The following GRID2 variants were observed in gnomAD, a reference collection of about 807,000 sequenced individuals.
GRID2 encodes glutamate ionotropic receptor delta type subunit 2, also known as glutamate receptor ionotropic, delta-2.
Under a neutral mutation model 114.8 loss-of-function variants are expected in GRID2, and 33 were observed. That is an observed-to-expected ratio of 0.29 (90% CI 0.22 to 0.38). The LOEUF (loss-of-function observed/expected upper bound fraction) is 0.38, where lower values mean the gene tolerates loss of function less well. Among genes scored for constraint, GRID2 ranks in the 10% least tolerant of loss-of-function variants. The pLI is 1.00. For synonymous variants in GRID2, 505 were observed against 449.9 expected, an observed-to-expected ratio of 1.12 and a Z score of -1.55; for missense variants, 1,184 against 1,257.7, an observed-to-expected ratio of 0.94 and a Z score of 0.89.
intron 14 of GRID2, among the ~76,000 whole-genome samples, chr4:93,682,169 C>G (rs1469024611): frequency 6.6e-6 from 1 of 151,078 alleles, no homozygotes; most frequent in Admixed American, 6.6e-5. Context: ...AGCCAAAAGA[C>G]ACATGAAAAA....
intron 13 of GRID2, among the ~76,000 whole-genome samples, chr4:93,564,904 T>C (rs1022632819): frequency 6.6e-6 from 1 of 152,122 alleles, no homozygotes; most frequent in East Asian, 1.9e-4. Flanking sequence ...CACCTGATAA[T>C]AGATTTTAGC....
At chr4:92,483,742 G>A (rs1722727533) in intron 1 of GRID2, among the ~76,000 whole-genome samples, 2 of 152,134 alleles carry the variant, frequency 1.3e-5, no homozygotes, top group African/African-American at 4.8e-5. Context: ...ATATTTAGAA[G>A]TCTGAGGGAG....
intron 6 of GRID2, among the ~76,000 whole-genome samples, chr4:93,223,656 C>A (rs544278344): frequency 1.3e-5 from 2 of 152,222 alleles, no homozygotes; most frequent in South Asian, 4.2e-4. Context: ...AATTAATTTT[C>A]ATCACTACAT....
intron 2 of GRID2, among the ~76,000 whole-genome samples, chr4:92,815,905 A>G (rs1330456405): frequency 9.1e-6 from 1 of 109,676 alleles, no homozygotes; most frequent in Non-Finnish European, 1.7e-5. Context: ...ACAGTGCATG[A>G]CCCTGTCTCA....
At chr4:92,856,994 T>A (rs1173974397) in intron 2 of GRID2, among the ~76,000 whole-genome samples, 3 of 152,178 alleles carry the variant, frequency 2.0e-5, no homozygotes, top group African/African-American at 4.8e-5. Flanking sequence ...GTATTATATA[T>A]GTTAAAGGGA....
At chr4:93,557,240 A>G (rs1734410711) in intron 13 of GRID2, among the ~76,000 whole-genome samples, 1 of 152,206 alleles carries the variant, frequency 6.6e-6, no homozygotes, top group Non-Finnish European at 1.5e-5. Flanking sequence ...CACACATAAC[A>G]ATATTAACCT....
chr4:93,631,745 T>G (rs1176054048), intron 14 of GRID2, among the ~76,000 whole-genome samples: 1 of 152,204 alleles, frequency 6.6e-6, no homozygotes, highest in Non-Finnish European at 1.5e-5. Flanking sequence ...ATGGGATTGC[T>G]GGGTCAAATG....
intron 14 of GRID2, among the ~76,000 whole-genome samples, chr4:93,727,650 G>A (rs1336263848): frequency 6.6e-6 from 1 of 152,130 alleles, no homozygotes; most frequent in Non-Finnish European, 1.5e-5. Flanking sequence ...ATTGATTATT[G>A]CCTCGATTTC....
At position 93,200,337 on chromosome 4, in the gene GRID2, C is replaced by A. The variant is rs180949637; in HGVS notation, c.736-7067C>A. On this transcript the variant is annotated intron_variant, in intron 4 of 15. Coordinates refer to ENST00000282020, the MANE Select transcript of GRID2 (RefSeq NM_001510.4). ...ATCCCAGCACTTTGGGAGGCCGAGG[C>A]GGGCGGATCACGAGGTCAGGAGATC... is the stretch of plus-strand genomic sequence containing the variant. Among the ~76,000 whole-genome samples the A allele has an allele frequency of 4.8e-3, 729 of 152,186 alleles. 7 individuals are homozygous for A. The highest frequency in any genetic ancestry group is 0.017 in the African/African-American group (703 of 41,502).
intron 1 of GRID2, among the ~76,000 whole-genome samples, chr4:93,801,063 A>G (rs1273564235): frequency 6.6e-6 from 1 of 152,204 alleles, no homozygotes; most frequent in Non-Finnish European, 1.5e-5. Context: ...ATTTTTTCCC[A>G]GATCTATTAT....
At chr4:92,611,106 A>ATGTGTGTGTATGTG (rs1729716888) in intron 2 of GRID2, among the ~76,000 whole-genome samples, 4 of 135,720 alleles carry the variant, frequency 2.9e-5, no homozygotes, top group African/African-American at 1.1e-4. Flanking sequence ...GTGTGTGTAT[A>ATGTGTGTGTATGTG]TGTGTGTGTA....
chr4:93,631,583 T>G (rs1720890064), intron 14 of GRID2, among the ~76,000 whole-genome samples: 1 of 152,088 alleles, frequency 6.6e-6, no homozygotes, highest in Admixed American at 6.6e-5. Flanking sequence ...CCATGGTGTG[T>G]ATGTGCCACA....
At chr4:92,918,904 T>A (rs1749054770) in intron 2 of GRID2, among the ~76,000 whole-genome samples, 1 of 152,190 alleles carries the variant, frequency 6.6e-6, no homozygotes, top group Non-Finnish European at 1.5e-5. Context: ...TTCTATTGAT[T>A]GTAATACTTT....
chr4:92,794,633 T>C (rs1203729421), intron 2 of GRID2, among the ~76,000 whole-genome samples: 1 of 151,422 alleles, frequency 6.6e-6, no homozygotes, highest in African/African-American at 2.4e-5. Flanking sequence ...TAAACAGACG[T>C]TTGTCCTAGA....
chr4:93,318,345 G>T (rs1009656374), intron 8 of GRID2, among the ~76,000 whole-genome samples: 1 of 151,938 alleles, frequency 6.6e-6, no homozygotes, highest in Non-Finnish European at 1.5e-5. Flanking sequence ...CCACCAGTTT[G>T]TGAATTAATG....
chr4:92,895,405 A>ATATAT (rs1560677408), intron 2 of GRID2, among the ~76,000 whole-genome samples: 2 of 146,058 alleles, frequency 1.4e-5, no homozygotes, highest in Admixed American at 6.9e-5. Context: ...ATATATATAT[A>ATATAT]AACTGAAAGA....
At chr4:92,468,651 TTTG>T in intron 1 of GRID2, among the ~76,000 whole-genome samples, 1 of 152,254 alleles carries the variant, frequency 6.6e-6, no homozygotes, top group South Asian at 2.1e-4. Flanking sequence ...AGTTTGTGGC[TTTG>T]TACAGAGAGA....
intron 2 of GRID2, among the ~76,000 whole-genome samples, chr4:92,990,717 A>G (rs1208629993): frequency 6.6e-6 from 1 of 152,130 alleles, no homozygotes; most frequent in Non-Finnish European, 1.5e-5. Flanking sequence ...AAGAAAAAAA[A>G]ATGAAGTCCA....
chr4:93,230,665 G>A (rs962386069), intron 7 of GRID2, among the ~76,000 whole-genome samples: 2 of 151,830 alleles, frequency 1.3e-5, no homozygotes, highest in African/African-American at 2.4e-5. Flanking sequence ...TTAAATACCA[G>A]GTTTTTTGGT....
Sources: gnomAD v4.1 joint callset for allele counts (sites outside exome capture counted in the v4.1 genomes callset) on GRCh38, gnomAD v4.1.1 for gene constraint, MANE v1.5 for transcripts, NCBI Gene and HGNC (gene_info 2026-07-23, HGNC 2026-07-21) for gene names.